Variants in RHOBTB2 observed in about 807,000 individuals in gnomAD.
The protein encoded by RHOBTB2 is Rho related BTB domain containing 2.
A neutral mutation model predicts 66.5 loss-of-function variants in RHOBTB2; 39 were observed. The ratio of observed to expected loss-of-function variants is 0.59; its 90% confidence interval spans 0.45 to 0.77. The LOEUF is 0.77. Among genes scored for constraint, RHOBTB2 ranks in the 30% least tolerant of loss-of-function variants. The probability of loss-of-function intolerance (pLI) is 0.00; values close to 1 mark genes in which losing one functional copy is unlikely to be tolerated. For synonymous variants in RHOBTB2, 390 were observed against 395.0 expected, an observed-to-expected ratio of 0.99 and a Z score of 0.15; for missense variants, 755 against 999.1, an observed-to-expected ratio of 0.76 and a Z score of 3.29.
intron 1 of RHOBTB2, among the ~76,000 whole-genome samples, chr8:23,001,065 C>T (rs1810763856): frequency 1.3e-5 from 2 of 152,124 alleles, no homozygotes; most frequent in African/African-American, 2.4e-5. Flanking sequence ...TGGGTTTTGG[C>T]TTGCACCAAG....
At position 23,017,694 on chromosome 8, in the gene RHOBTB2, G is replaced by T; in HGVS notation, c.*225G>T. The T allele has an allele frequency of 3.2e-6, 2 of 632,126 alleles. No individual in the cohort carries two copies. The highest frequency in any genetic ancestry group is 5.4e-6 in the Non-Finnish European group (2 of 372,740). 39.2% of individuals were successfully genotyped at this position (632,126 alleles called of 1,614,324 possible). A position where few individuals can be genotyped will look rare whatever the true frequency, so the allele number is the denominator to read the frequency against. ...GCAGAGGTCCCCAGACCCAAAGCAG[G>T]ACGGGAGACAACTGCTTGGAGGAGC... On this transcript the variant is annotated 3_prime_UTR_variant, in exon 10 of 10. Transcript: ENST00000251822. This position sits in a 1 kb window ranked among gnomAD's most constrained non-coding sequence, Gnocchi z 5.3.
At chr8:22,966,434 G>A in the RHOBTB2 span, among the ~76,000 whole-genome samples, 1 of 151,852 alleles carries the variant, frequency 6.6e-6, no homozygotes, top group South Asian at 2.1e-4. Context: ...ACGGGTGAAG[G>A]ACTTGAATAG....
At chr8:23,001,943 A>G (rs1449938332) in intron 1 of RHOBTB2, among the ~76,000 whole-genome samples, 1 of 152,206 alleles carries the variant, frequency 6.6e-6, no homozygotes, top group African/African-American at 2.4e-5. Context: ...TTGGCTGACC[A>G]CTGCTTAACT....
At chr8:22,952,871 C>T in the RHOBTB2 span, among the ~76,000 whole-genome samples, 2 of 152,140 alleles carry the variant, frequency 1.3e-5, no homozygotes, top group African/African-American at 4.8e-5. Context: ...CACCATTGCA[C>T]TCCAGCCTGG....
chr8:23,010,991 A>AG (rs1203610552), intron 7 of RHOBTB2, among the ~76,000 whole-genome samples: 1 of 152,218 alleles, frequency 6.6e-6, no homozygotes, highest in Admixed American at 6.5e-5. Context: ...GCACTTTGGG[A>AG]GGCCAAGGCG....
rs118143382 is a variant in RHOBTB2, at chr8:22,993,744, G to A, written c.-23-817G>A. On this transcript the variant is annotated intron_variant, in intron 2 of 11. Transcript: ENST00000519685. ...CTGCCCCTGAAGGGTTGTCACAGAA[G>A]TGCCCTTCCATCCTCCCTGAACCAC... Among the ~76,000 whole-genome samples, 93 of 152,282 alleles carry A rather than the reference G, an allele frequency of 6.1e-4. No individual in the cohort carries two copies. The East Asian group carries it at 0.013, about 21-fold the overall frequency.
rs1585191044 is a variant in RHOBTB2, at chr8:23,006,850, A to G, written c.605A>G (p.Asn202Ser). The G allele has an allele frequency of 1.9e-6, 3 of 1,614,002 alleles. No individual in the cohort carries two copies. Among genetic ancestry groups the G allele is most frequent in the Non-Finnish European group, 2.5e-6 (3 of 1,179,970 alleles). Reference sequence around the variant, plus strand: ...TTCGGCATCAAGGACGTCTTTGACAACGCCATCCGAGCTGCACTCATCTCC... The same window carrying G: ...TTCGGCATCAAGGACGTCTTTGACAGCGCCATCCGAGCTGCACTCATCTCC... ...AQFGIKDVFD[N>S]AIRAALISRR... The change falls in exon 5 of 10, where the codon AAC (asparagine) becomes AGC (serine). Residue 202 changes from asparagine (N) to serine (S), a missense_variant. This residue lies in a region of RHOBTB2 where 35 missense variants were observed against 38.1 expected (regional missense o/e 0.92). Coordinates refer to ENST00000251822, the MANE Select transcript of RHOBTB2 (RefSeq NM_015178.3). The surrounding 1 kb of genome is among the most constrained non-coding windows in gnomAD (Gnocchi z 6.1).
the RHOBTB2 span, among the ~76,000 whole-genome samples, chr8:22,980,085 A>C: frequency 1.3e-5 from 2 of 151,978 alleles, no homozygotes; most frequent in East Asian, 1.9e-4. Flanking sequence ...TAAGCCTCTT[A>C]ATATATATGT....
the RHOBTB2 span, among the ~76,000 whole-genome samples, chr8:22,953,339 G>T: frequency 6.6e-6 from 1 of 151,926 alleles, no homozygotes; most frequent in Non-Finnish European, 1.5e-5. Flanking sequence ...GCCTTTCCCT[G>T]GTGCTGGCTC....
At chr8:22,964,087 T>G in the RHOBTB2 span, among the ~76,000 whole-genome samples, 1 of 152,036 alleles carries the variant, frequency 6.6e-6, no homozygotes, top group Non-Finnish European at 1.5e-5. Flanking sequence ...AGCCTCCTGT[T>G]TTTTTTGTTT....
chr8:23,002,759 T>G (rs1460918726), intron 1 of RHOBTB2, among the ~76,000 whole-genome samples: 1 of 152,110 alleles, frequency 6.6e-6, no homozygotes, highest in East Asian at 1.9e-4. Context: ...GGTGGTACAG[T>G]TGCCCTGGAG....
the RHOBTB2 span, among the ~76,000 whole-genome samples, chr8:22,952,762 G>A: frequency 7.2e-5 from 11 of 152,092 alleles, no homozygotes; most frequent in Admixed American, 2.6e-4. Context: ...AAAATTAGCC[G>A]GGCATAGTGG....
chr8:22,950,837 C>T, the RHOBTB2 span, among the ~76,000 whole-genome samples: 2 of 152,138 alleles, frequency 1.3e-5, no homozygotes. Context: ...TTACTGTACA[C>T]GTGGAAGTAA....
chr8:22,996,469 A>C (rs1479160697), upstream of RHOBTB2, among the ~76,000 whole-genome samples: 1 of 147,878 alleles, frequency 6.8e-6, no homozygotes, highest in Non-Finnish European at 1.5e-5. Flanking sequence ...AGTGTTTCCA[A>C]GCTGCAGCAA....
chr8:23,007,147 G>A lies in RHOBTB2; in HGVS notation c.902G>A (p.Ser301Asn). The A allele has an allele frequency of 6.2e-7, 1 of 1,607,470 alleles. No individual in the cohort carries two copies. The highest frequency in any genetic ancestry group is 8.5e-7 in the Non-Finnish European group (1 of 1,179,628). The change falls in exon 5 of 10, where the codon AGT (serine) becomes AAT (asparagine). Residue 301 changes from serine (S) to asparagine (N), a missense_variant. Ser to Asn is a conservative substitution (Grantham distance 46). This residue lies in a region of RHOBTB2 where 247 missense variants were observed against 238.9 expected (regional missense o/e 1.03). Coordinates refer to ENST00000251822, the MANE Select transcript of RHOBTB2 (RefSeq NM_015178.3). ...TATGACCTGTTCCTCATGGACCTGA[G>A]TGAGGGGGAGCTGGGGGGCCCCTCG... is the stretch of plus-strand genomic sequence containing the variant. ...KFYDLFLMDL[S>N]EGELGGPSEP...
chr8:22,985,443 A>G (rs1274314149), upstream of RHOBTB2, among the ~76,000 whole-genome samples: 2 of 152,234 alleles, frequency 1.3e-5, no homozygotes, highest in African/African-American at 2.4e-5. Flanking sequence ...ACGTCTGTCC[A>G]CATTCCAATG....
chr8:23,010,484 C>A (rs1252160191), intron 6 of RHOBTB2, 54 bp from the exon 7 acceptor site: 2 of 1,567,624 alleles, frequency 1.3e-6, no homozygotes, highest in Non-Finnish European at 1.7e-6. Context: ...GGGTTCAGTT[C>A]ATCTTCTCCT....
chr8:22,994,502 C>T, intron 2 of RHOBTB2: 1 of 1,031,570 alleles, frequency 9.7e-7, no homozygotes, highest in Non-Finnish European at 1.5e-6. Context: ...TGTGCTCATT[C>T]CCTTTCTCCC....
chr8:22,976,703 G>A, the RHOBTB2 span, among the ~76,000 whole-genome samples: 2 of 151,954 alleles, frequency 1.3e-5, no homozygotes, highest in African/African-American at 4.8e-5. Flanking sequence ...TCAGCTCACT[G>A]AAACCATCAC....
Sources: gnomAD v4.1 joint callset for allele counts (sites outside exome capture counted in the v4.1 genomes callset) on GRCh38, gnomAD v4.1.1 for gene constraint, gnomAD v4.1.1 regional missense constraint, Gnocchi (gnomAD v3.1) non-coding constraint, MANE v1.5 for transcripts, NCBI Gene and HGNC (gene_info 2026-07-23, HGNC 2026-07-21) for gene names.